TEAD1: variants seen among roughly 807,000 people sequenced by gnomAD.
TEAD1 encodes transcriptional enhancer factor TEF-1.
In TEAD1, 9 loss-of-function variants were observed where a neutral mutation model predicts 54.9. The observed-to-expected ratio is 0.16, with a 90% CI of 0.10 to 0.29. TEAD1 has a LOEUF of 0.29. Ranked by LOEUF, TEAD1 falls within the 10% of genes least tolerant of loss-of-function variation. The pLI, the probability that TEAD1 is intolerant of heterozygous loss-of-function variation, is 1.00. For missense variants in TEAD1, 387 were observed against 535.9 expected (o/e 0.72, Z 2.74); for synonymous variants, 200 against 187.8 (o/e 1.07, Z -0.53).
intron 9 of TEAD1, 47 bp downstream of exon 9, chr11:12,883,172 C>G (rs1054503535): frequency 1.2e-6 from 2 of 1,613,108 alleles, no homozygotes; most frequent in African/African-American, 2.7e-5. Flanking sequence ...ATTTCTTTCC[C>G]TTTACTGTTT....
At position 12,763,013 on chromosome 11, in the gene TEAD1, G is replaced by A. The variant is rs1388376930; in HGVS notation, c.-54-1166G>A. On this transcript the variant is annotated intron_variant, in intron 2 of 12. Coordinates refer to ENST00000527636, the MANE Select transcript of TEAD1 (RefSeq NM_021961.6). Reference sequence around the variant, plus strand: ...CTCAGGCCCTTGGCCTCCTCTTTTCGATCAATCCTTTCTCTCTCATTTTTG... The same window carrying A: ...CTCAGGCCCTTGGCCTCCTCTTTTCAATCAATCCTTTCTCTCTCATTTTTG... Among the ~76,000 whole-genome samples, 4 of 152,136 alleles carry A rather than the reference G, an allele frequency of 2.6e-5. No individual in the cohort carries two copies. The South Asian group carries it at 6.2e-4, about 24-fold the overall frequency.
Position 12,942,722 on chromosome 11 carries a change from C to T in TEAD1, c.*5500C>T, listed in dbSNP as rs986229850. On this transcript the variant is annotated 3_prime_UTR_variant, in exon 13 of 13. Transcript: ENST00000527636. ...ACTGAGACGACAGTGCAGAACAAAA[C>T]AAAAGTGAGTTAGGGTCGTTAAAAT... is the stretch of plus-strand genomic sequence containing the variant. 6.6e-6 allele frequency: 1 copy of T among 152,190 alleles called. No individual in the cohort carries two copies. Among genetic ancestry groups the T allele is most frequent in the Admixed American group, 6.5e-5 (1 of 15,286 alleles). 9.4% of individuals were successfully genotyped at this position (152,190 alleles called of 1,614,324 possible). A position where few individuals can be genotyped will look rare whatever the true frequency, so the allele number is the denominator to read the frequency against.
rs904632285 is a variant in TEAD1, at chr11:12,943,322, G to C, written c.*6100G>C. 2.6e-5 allele frequency: 4 copies of C among 152,586 alleles called. No homozygotes were observed. Among genetic ancestry groups the C allele is most frequent in the African/African-American group, 9.7e-5 (4 of 41,432 alleles). 9.5% of individuals were successfully genotyped at this position (152,586 alleles called of 1,614,324 possible). A position where few individuals can be genotyped will look rare whatever the true frequency, so the allele number is the denominator to read the frequency against. ...AAATTAGTCAAATGCTTGTTTTCCT[G>C]CTTCTCTTTTCAACTGTTACTGTGC... On this transcript the variant is annotated 3_prime_UTR_variant, in exon 13 of 13. Transcript: ENST00000527636.
intron 10 of TEAD1, among the ~76,000 whole-genome samples, chr11:12,920,329 CTTAG>C (rs1000526823): frequency 1.3e-5 from 2 of 152,184 alleles, no homozygotes; most frequent in African/African-American, 4.8e-5. Flanking sequence ...CCATTCTAAA[CTTAG>C]TTAACATTTT....
intron 10 of TEAD1, among the ~76,000 whole-genome samples, chr11:12,914,107 T>C (rs1458353058): frequency 6.6e-6 from 1 of 152,168 alleles, no homozygotes; most frequent in Non-Finnish European, 1.5e-5. Context: ...TCACCTGAAG[T>C]TGTGTGGGTG....
chr11:12,836,502 A>C (rs557466012), intron 3 of TEAD1, among the ~76,000 whole-genome samples: 1 of 152,114 alleles, frequency 6.6e-6, no homozygotes, highest in African/African-American at 2.4e-5. Context: ...GTTCAACTAG[A>C]CTGCTTCCTC....
intron 12 of TEAD1, among the ~76,000 whole-genome samples, chr11:12,932,634 T>C (rs1949030397): frequency 6.6e-6 from 1 of 152,124 alleles, no homozygotes; most frequent in Admixed American, 6.5e-5. Context: ...AGTGCTCCCA[T>C]AAGATGATAA....
At chr11:12,846,736 G>A (rs1300954879) in intron 3 of TEAD1, among the ~76,000 whole-genome samples, 2 of 152,190 alleles carry the variant, frequency 1.3e-5, no homozygotes, top group African/African-American at 4.8e-5. Context: ...TGAATGTTAT[G>A]CTCTCTGTCA....
At chr11:12,711,131 T>C (rs2133851826) in intron 2 of TEAD1, among the ~76,000 whole-genome samples, 1 of 152,144 alleles carries the variant, frequency 6.6e-6, no homozygotes, top group South Asian at 2.1e-4. Flanking sequence ...TTTAGGAAGT[T>C]CCCTCTGACT....
chr11:12,727,987 T>G (rs943947642), intron 2 of TEAD1, among the ~76,000 whole-genome samples: 3 of 152,162 alleles, frequency 2.0e-5, no homozygotes, highest in Non-Finnish European at 2.9e-5. Context: ...TACCACTGTT[T>G]CCTGAAAACC....
intron 10 of TEAD1, 59 bp downstream of exon 10, chr11:12,902,172 A>C (rs781691241): frequency 1.9e-6 from 3 of 1,603,338 alleles, no homozygotes; most frequent in East Asian, 2.2e-5. Context: ...CATCTCTTAC[A>C]TGAGCACAGT....
chr11:12,734,942 A>G (rs1944498596), intron 2 of TEAD1, among the ~76,000 whole-genome samples: 1 of 152,214 alleles, frequency 6.6e-6, no homozygotes, highest in Non-Finnish European at 1.5e-5. Context: ...ACCGCCATAT[A>G]TATTTTTAAA....
chr11:12,917,185 A>G (rs1200199139), intron 10 of TEAD1, among the ~76,000 whole-genome samples: 1 of 152,184 alleles, frequency 6.6e-6, no homozygotes, highest in Non-Finnish European at 1.5e-5. Context: ...AAAAAAAGAC[A>G]TCCAGAGAGA....
At chr11:12,818,306 T>C (rs1341660724) in intron 3 of TEAD1, among the ~76,000 whole-genome samples, 1 of 152,232 alleles carries the variant, frequency 6.6e-6, no homozygotes, top group African/African-American at 2.4e-5. Context: ...CCATGAAATT[T>C]GGTGTCACCA....
intron 3 of TEAD1, among the ~76,000 whole-genome samples, chr11:12,829,204 A>C (rs1307002123): frequency 6.6e-6 from 1 of 152,220 alleles, no homozygotes. Flanking sequence ...AAGAAGGTGC[A>C]TGACAGAGAC....
intron 9 of TEAD1, among the ~76,000 whole-genome samples, chr11:12,894,793 CAAAGT>C (rs1476786661): frequency 6.6e-6 from 1 of 152,086 alleles, no homozygotes; most frequent in African/African-American, 2.4e-5. Context: ...TTATTTCGTC[CAAAGT>C]AAAGAAACAT....
chr11:12,937,030 A>ATTT (rs1949114328), intron 12 of TEAD1, 79 bp from the exon 13 acceptor site: 1 of 985,426 alleles, frequency 1.0e-6, no homozygotes, highest in African/African-American at 1.6e-5. Context: ...TTCTTCTCCA[A>ATTT]TTAAGTCATA....
chr11:12,721,933 C>G (rs999509993), intron 2 of TEAD1, among the ~76,000 whole-genome samples: 3 of 152,148 alleles, frequency 2.0e-5, no homozygotes, highest in African/African-American at 7.2e-5. Context: ...TCAAACATCC[C>G]TGTGCGTAAG....
At chr11:12,925,127 A>G (rs987319736) in intron 11 of TEAD1, 75 bp downstream of exon 11, 4 of 1,555,420 alleles carry the variant, frequency 2.6e-6, no homozygotes, top group Non-Finnish European at 3.5e-6. Flanking sequence ...TCCTTGGGGC[A>G]GAGAGTTGTA....
Sources: allele counts gnomAD v4.1 joint callset (sites outside exome capture counted in the v4.1 genomes callset), GRCh38; gene constraint gnomAD v4.1.1; transcripts MANE v1.5; gene names NCBI Gene and HGNC (gene_info 2026-07-23, HGNC 2026-07-21).